The following NRP1 variants were observed in gnomAD, a reference collection of about 807,000 sequenced individuals.
NRP1 encodes neuropilin-1.
Under a neutral mutation model 106.7 loss-of-function variants are expected in NRP1, and 35 were observed. That is an observed-to-expected ratio of 0.33 (90% CI 0.25 to 0.43). The LOEUF (loss-of-function observed/expected upper bound fraction) is 0.43. Among genes scored for constraint, NRP1 ranks in the 20% least tolerant of loss-of-function variants. The pLI, the probability that NRP1 is intolerant of heterozygous loss-of-function variation, is 1.00. For synonymous variants in NRP1, 437 were observed against 417.9 expected (o/e 1.05, Z -0.56); for missense variants, 1,024 against 1,170.4 (o/e 0.87, Z 1.83).
intron 2 of NRP1, among the ~76,000 whole-genome samples, chr10:33,318,928 T>C (rs1033148402): frequency 3.3e-5 from 5 of 151,210 alleles, no homozygotes; most frequent in South Asian, 2.1e-4. Context: ...TAACTGATCA[T>C]GGAAGAGGGT....
At chr10:33,320,829 A>G (rs1847450281) in intron 2 of NRP1, among the ~76,000 whole-genome samples, 1 of 152,204 alleles carries the variant, frequency 6.6e-6, no homozygotes. Context: ...TCTGCCACCC[A>G]AACGAGAGAT....
intron 6 of NRP1, among the ~76,000 whole-genome samples, chr10:33,233,488 T>A (rs561481628): frequency 3.9e-5 from 6 of 152,318 alleles, no homozygotes; most frequent in Admixed American, 2.0e-4. Context: ...AAACTGCTGG[T>A]TAAACACCAG....
intron 13 of NRP1, among the ~76,000 whole-genome samples, chr10:33,190,379 A>G (rs1231506058): frequency 6.6e-6 from 1 of 152,190 alleles, no homozygotes; most frequent in Non-Finnish European, 1.5e-5. Flanking sequence ...CAGTCAAAGT[A>G]TTTTAAGTTT....
rs1835471892 is a variant in NRP1, at chr10:33,177,985, T to G, written c.*2091A>C. ...AGTTGCAGTATCATTTTTCCTTGGC[T>G]GAGGACAACTTTAAGTCTGTTGCCT... On this transcript the variant is annotated 3_prime_UTR_variant, in exon 17 of 17. Transcript: ENST00000374867. 6.6e-6 allele frequency: 1 copy of G among 152,654 alleles called. No homozygotes were observed. Among genetic ancestry groups the G allele is most frequent in the Admixed American group, 6.5e-5 (1 of 15,286 alleles). The allele number at this position is 152,654 out of a possible 1,614,324, so 9.5% of individuals were successfully genotyped here. A position where few individuals can be genotyped will look rare whatever the true frequency, so the allele number is the denominator to read the frequency against.
intron 1 of NRP1, 26 bp downstream of exon 1, chr10:33,334,284 C>A: frequency 6.5e-7 from 1 of 1,536,376 alleles, no homozygotes; most frequent in South Asian, 1.2e-5. Flanking sequence ...GCGCCGCTGT[C>A]ACCCGCGCCT....
chr10:33,296,886 G>A (rs76658466), intron 2 of NRP1, among the ~76,000 whole-genome samples: 4 of 151,876 alleles, frequency 2.6e-5, no homozygotes, highest in African/African-American at 7.3e-5. Flanking sequence ...AAAATTAGCC[G>A]AGCATGGTGG....
At position 33,259,372 on chromosome 10, in the gene NRP1, T is replaced by C. The variant is rs561518100; in HGVS notation, c.659-2901A>G. On this transcript the variant is annotated intron_variant, in intron 4 of 16. Coordinates refer to ENST00000374867, the MANE Select transcript of NRP1 (RefSeq NM_003873.7). ...AATACAAAGAAGTATTGAATTTTCC[T>C]GAACAACAGCGAGACCTTAGCCTAG... Among the ~76,000 whole-genome samples the C allele has an allele frequency of 9.8e-5, 15 of 152,320 alleles. No homozygotes were observed. In the South Asian group the frequency reaches 1.9e-3, roughly 19 times the overall value.
intron 4 of NRP1, among the ~76,000 whole-genome samples, chr10:33,260,910 C>T (rs530113057): frequency 7.6e-6 from 1 of 131,334 alleles, no homozygotes; most frequent in African/African-American, 2.9e-5. Context: ...ATATCAAAGA[C>T]TAAAAGCAAT....
chr10:33,325,055 T>A (rs1390324218), intron 2 of NRP1, among the ~76,000 whole-genome samples: 1 of 152,218 alleles, frequency 6.6e-6, no homozygotes, highest in Non-Finnish European at 1.5e-5. Flanking sequence ...AAAACTGACA[T>A]CAGAGGGCTT....
intron 7 of NRP1, among the ~76,000 whole-genome samples, chr10:33,223,236 C>G (rs759375750): frequency 2.6e-5 from 4 of 152,182 alleles, no homozygotes; most frequent in Non-Finnish European, 4.4e-5. Flanking sequence ...GCTCTTCCAC[C>G]TGGGAGAAAG....
At chr10:33,295,452 A>C (rs1845321398) in intron 2 of NRP1, among the ~76,000 whole-genome samples, 1 of 152,232 alleles carries the variant, frequency 6.6e-6, no homozygotes, top group Non-Finnish European at 1.5e-5. Flanking sequence ...TCACGCCTGT[A>C]ATCTCAGCAT....
At chr10:33,205,870 C>T (rs948205301) in intron 10 of NRP1, 1 of 176,576 alleles carries the variant, frequency 5.7e-6, no homozygotes, top group Non-Finnish European at 1.2e-5. Flanking sequence ...AATTTTGTGG[C>T]TAATTTGTTA....
intron 3 of NRP1, among the ~76,000 whole-genome samples, chr10:33,265,903 T>C (rs541831102): frequency 2.2e-4 from 33 of 152,336 alleles, no homozygotes; most frequent in African/African-American, 7.7e-4. Context: ...ACAGCGACTA[T>C]GCTAATTTGA....
At chr10:33,223,483 G>T (rs1251236093) in intron 7 of NRP1, among the ~76,000 whole-genome samples, 2 of 151,746 alleles carry the variant, frequency 1.3e-5, no homozygotes, top group East Asian at 1.9e-4. Flanking sequence ...AAATTAGCCA[G>T]GTATGGTGGT....
chr10:33,298,628 A>C (rs1379664016), intron 2 of NRP1, among the ~76,000 whole-genome samples: 1 of 152,096 alleles, frequency 6.6e-6, no homozygotes, highest in South Asian at 2.1e-4. Flanking sequence ...CCTTGGCTGC[A>C]TGTTGGTTTT....
chr10:33,302,830 C>T (rs141159245), intron 2 of NRP1, among the ~76,000 whole-genome samples: 8 of 152,248 alleles, frequency 5.3e-5, no homozygotes, highest in South Asian at 2.1e-4. Context: ...ATGACTTCCA[C>T]CAAAAAAGTT....
intron 12 of NRP1, among the ~76,000 whole-genome samples, chr10:33,193,656 C>T (rs946102598): frequency 6.6e-6 from 1 of 152,130 alleles, no homozygotes; most frequent in Non-Finnish European, 1.5e-5. Flanking sequence ...TAGGGTCAGG[C>T]CAAGACCTTA....
At chr10:33,219,451 G>A (rs1328244867) in intron 8 of NRP1, among the ~76,000 whole-genome samples, 1 of 152,144 alleles carries the variant, frequency 6.6e-6, no homozygotes, top group Non-Finnish European at 1.5e-5. Context: ...TTACTAGAGA[G>A]AAAATATTTA....
rs1294127675 is a variant in NRP1 at position 33,270,617 on chromosome 10, A to T, written c.430+58T>A. The stretch of plus-strand genomic sequence containing the variant: ...GCTGAGATTACAGGGGTGAGCCACC[A>T]CACTCGGCCTAAATGAACTCTTAGT... On this transcript the variant is annotated intron_variant, in intron 3 of 16. Coordinates refer to ENST00000374867, the MANE Select transcript of NRP1 (RefSeq NM_003873.7). The T allele has an allele frequency of 7.6e-6, 11 of 1,456,538 alleles. No individual in the cohort carries two copies. The Admixed American group carries it at 2.3e-4, about 30-fold the overall frequency. 90.2% of individuals were successfully genotyped at this position (1,456,538 alleles called of 1,614,324 possible).
Sources: gnomAD v4.1 joint callset for allele counts (sites outside exome capture counted in the v4.1 genomes callset) on GRCh38, gnomAD v4.1.1 for gene constraint, MANE v1.5 for transcripts, NCBI Gene and HGNC (gene_info 2026-07-23, HGNC 2026-07-21) for gene names.